The following RALGPS1 variants were observed in gnomAD, a reference collection of about 807,000 sequenced individuals.
The protein encoded by RALGPS1 is Ral GEF with PH domain and SH3 binding motif 1, also known as ras-specific guanine nucleotide-releasing factor RalGPS1.
A neutral mutation model predicts 78.8 loss-of-function variants in RALGPS1; 19 were observed. That is an observed-to-expected ratio of 0.24 (90% CI 0.17 to 0.35). The LOEUF (loss-of-function observed/expected upper bound fraction) is 0.35, where lower values mean the gene tolerates loss of function less well. RALGPS1 is among the 10% of genes least tolerant of loss of function. RALGPS1 has a pLI of 1.00. For missense variants in RALGPS1, 454 were observed against 688.3 expected (o/e 0.66, Z 3.81); for synonymous variants, 228 against 256.3 (o/e 0.89, Z 1.06).
chr9:126,953,411 G>A (rs543520948), intron 1 of RALGPS1, among the ~76,000 whole-genome samples: 10 of 152,056 alleles, frequency 6.6e-5, no homozygotes, highest in Non-Finnish European at 1.3e-4. Context: ...GTATGTGTAA[G>A]GTGAGAGAGG....
chr9:127,160,706 TTCCAGCCCCCAGCC>T (rs1387814846), intron 8 of RALGPS1, among the ~76,000 whole-genome samples: 2 of 152,230 alleles, frequency 1.3e-5, no homozygotes, highest in African/African-American at 4.8e-5. Context: ...AGCCAATGAC[TTCCAGCCCCCAGCC>T]TCCAGCCCCT....
At chr9:126,927,687 C>T (rs964813319) in intron 1 of RALGPS1, among the ~76,000 whole-genome samples, 3 of 152,146 alleles carry the variant, frequency 2.0e-5, no homozygotes, top group African/African-American at 7.2e-5. Flanking sequence ...TTCCCTCATG[C>T]CTTCTATTGC....
chr9:127,032,187 A>T (rs760060890), intron 4 of RALGPS1, among the ~76,000 whole-genome samples: 2 of 152,204 alleles, frequency 1.3e-5, no homozygotes, highest in African/African-American at 4.8e-5. Flanking sequence ...ATATAGTATC[A>T]TACCCACTTT....
chr9:126,980,929 G>C (rs1363031198), intron 4 of RALGPS1, among the ~76,000 whole-genome samples: 2 of 152,156 alleles, frequency 1.3e-5, no homozygotes, highest in Non-Finnish European at 2.9e-5. Context: ...TTCCTAGGCT[G>C]TTCAGATCCT....
At chr9:126,946,699 C>CA (rs1263825878) in intron 1 of RALGPS1, among the ~76,000 whole-genome samples, 1 of 151,968 alleles carries the variant, frequency 6.6e-6, no homozygotes, top group African/African-American at 2.4e-5. Context: ...CTGATGCACC[C>CA]AGGGCTTTTG....
chr9:126,965,301 C>G (rs2039366867), intron 2 of RALGPS1, among the ~76,000 whole-genome samples: 1 of 152,334 alleles, frequency 6.6e-6, no homozygotes, highest in Non-Finnish European at 1.5e-5. Flanking sequence ...GAGCTACTTT[C>G]ACATTTTGTG....
intron 1 of RALGPS1, among the ~76,000 whole-genome samples, chr9:126,954,799 ACT>A (rs1324432488): frequency 6.6e-6 from 1 of 151,932 alleles, no homozygotes; most frequent in Non-Finnish European, 1.5e-5. Context: ...ACAGAGTGAG[ACT>A]CTGTCTCAAA....
intron 8 of RALGPS1, among the ~76,000 whole-genome samples, chr9:127,159,212 C>T (rs1411538612): frequency 6.6e-6 from 1 of 152,188 alleles, no homozygotes; most frequent in Non-Finnish European, 1.5e-5. Flanking sequence ...CACGCTATGC[C>T]ATCCATTGCA....
chr9:127,060,190 G>C (rs1326571717), intron 7 of RALGPS1, among the ~76,000 whole-genome samples: 2 of 152,142 alleles, frequency 1.3e-5, no homozygotes, highest in Non-Finnish European at 2.9e-5. Context: ...GTCAGGTATT[G>C]CTGCATCAAA....
At chr9:127,088,042 G>A (rs1285972778) in intron 8 of RALGPS1, 2 of 152,618 alleles carry the variant, frequency 1.3e-5, no homozygotes, top group African/African-American at 4.8e-5. Flanking sequence ...AGAAGCTGAG[G>A]AATCTCGCCT....
At chr9:126,921,786 A>G (rs2119715900) in intron 1 of RALGPS1, among the ~76,000 whole-genome samples, 1 of 152,348 alleles carries the variant, frequency 6.6e-6, no homozygotes, top group East Asian at 1.9e-4. Flanking sequence ...ACAGGGTTTC[A>G]GGGAGACGCT....
intron 8 of RALGPS1, among the ~76,000 whole-genome samples, chr9:127,083,304 C>G (rs1409607630): frequency 6.6e-6 from 1 of 152,190 alleles, no homozygotes; most frequent in Admixed American, 6.5e-5. Flanking sequence ...CTGAACTGGG[C>G]CAGTTGGATC....
chr9:126,968,002 CT>C (rs745689127), intron 3 of RALGPS1, among the ~76,000 whole-genome samples: 22,947 of 130,444 alleles, frequency 0.18, 1,384 homozygotes, highest in East Asian at 0.37. Context: ...GAGTTCAATT[CT>C]TTTTTTTTTT....
intron 7 of RALGPS1, among the ~76,000 whole-genome samples, chr9:127,066,170 G>T (rs572443777): frequency 6.6e-6 from 1 of 152,366 alleles, no homozygotes; most frequent in African/African-American, 2.4e-5. Flanking sequence ...CCCCAGCTGA[G>T]ACCAGAGAAC....
chr9:127,019,877 G>C (rs1207051766), intron 4 of RALGPS1, among the ~76,000 whole-genome samples: 1 of 151,986 alleles, frequency 6.6e-6, no homozygotes, highest in Non-Finnish European at 1.5e-5. Flanking sequence ...GTATAATGAG[G>C]GCTGTTGGTT....
intron 1 of RALGPS1, among the ~76,000 whole-genome samples, chr9:126,954,378 C>G: frequency 6.6e-6 from 1 of 152,210 alleles, no homozygotes; most frequent in South Asian, 2.1e-4. Flanking sequence ...CATCTATTAC[C>G]TCCTAACTGA....
rs1285015629 is a variant in RALGPS1, at chr9:126,962,331, C to T, written c.42C>T (p.Thr14=). 1.9e-6 allele frequency: 3 copies of T among 1,614,038 alleles called. No homozygotes were observed. Among genetic ancestry groups the T allele is most frequent in the South Asian group, 2.2e-5 (2 of 91,086 alleles). The change falls in exon 2 of 19, where the codon ACC becomes ACT. Residue 14 remains threonine, a synonymous_variant. Transcript: ENST00000259351. ...GTCTGATGGCTAGCGTGTTGGTCACCTCTGCCACTCCACAGGTACTGAGGC... is the reference window on the plus strand; with the variant it reads ...GTCTGATGGCTAGCGTGTTGGTCACTTCTGCCACTCCACAGGTACTGAGGC... ...RNGLMASVLV[T]SATPQGSSSS...
intron 4 of RALGPS1, among the ~76,000 whole-genome samples, chr9:127,000,093 T>C (rs148072285): frequency 2.7e-3 from 406 of 152,316 alleles, no homozygotes; most frequent in African/African-American, 9.2e-3. Context: ...TTGTATCTCT[T>C]TGCTTTTTTT....
At chr9:127,150,589 C>T (rs2139041768) in intron 8 of RALGPS1, among the ~76,000 whole-genome samples, 1 of 152,356 alleles carries the variant, frequency 6.6e-6, no homozygotes, top group African/African-American at 2.4e-5. Flanking sequence ...CTCCTGCTTC[C>T]TGCATTTGAG....
Sources: gnomAD v4.1 joint callset for allele counts (sites outside exome capture counted in the v4.1 genomes callset) on GRCh38, gnomAD v4.1.1 for gene constraint, MANE v1.5 for transcripts, NCBI Gene and HGNC (gene_info 2026-07-23, HGNC 2026-07-21) for gene names.